The following PCDHA2 variants were observed in gnomAD, a reference collection of about 807,000 sequenced individuals.
PCDHA2 encodes the protein protocadherin alpha 2, also known as protocadherin alpha-2.
In PCDHA2, 58 loss-of-function variants were observed where a neutral mutation model predicts 66.0. That is an observed-to-expected ratio of 0.88 (90% CI 0.71 to 1.09). The LOEUF is 1.09. Among genes scored for constraint, PCDHA2 ranks in the 50% least tolerant of loss-of-function variants. PCDHA2 has a pLI of 0.00. For missense variants in PCDHA2, 1,267 were observed against 1,242.3 expected (o/e 1.02, Z -0.30); for synonymous variants, 634 against 554.0 (o/e 1.14, Z -2.03).
intron 1 of PCDHA2, among the ~76,000 whole-genome samples, chr5:140,918,680 C>T (rs1291001659): frequency 6.6e-6 from 1 of 152,084 alleles, no homozygotes; most frequent in Non-Finnish European, 1.5e-5. Flanking sequence ...GAGGTGAGAC[C>T]TTTCAAACAT....
intron 1 of PCDHA2, chr5:140,807,483 G>C (rs371525794): frequency 1.2e-6 from 2 of 1,613,322 alleles, no homozygotes; most frequent in Non-Finnish European, 1.7e-6. Context: ...TGCCGGCGGA[G>C]CGCGGAGTGC....
chr5:140,853,709 T>C lies in PCDHA2; in HGVS notation c.2388+56357T>C, dbSNP rs1554146825. 2.0e-6 allele frequency: 2 copies of C among 988,258 alleles called. 1 individual carries two copies. The highest frequency in any genetic ancestry group is 2.4e-6 in the Non-Finnish European group (2 of 820,296). The allele number at this position is 988,258 out of a possible 1,614,324, so 61.2% of individuals were successfully genotyped here. A position where few individuals can be genotyped will look rare whatever the true frequency, so the allele number is the denominator to read the frequency against. On this transcript the variant is annotated intron_variant, in intron 1 of 3. Transcript: ENST00000526136. ...CCTTAGACCTGCTAACGCATTAGCA[T>C]TAGCAGCACCTAAGTCCTCATTGAA...
At chr5:140,924,944 T>TA (rs11334471) in intron 1 of PCDHA2, among the ~76,000 whole-genome samples, 37 of 142,946 alleles carry the variant, frequency 2.6e-4, no homozygotes, top group Non-Finnish European at 4.2e-4. Context: ...AATAAAAAGT[T>TA]AAAAAAAAAA....
At chr5:140,851,193 G>GT in intron 1 of PCDHA2, 4 of 1,214,324 alleles carry the variant, frequency 3.3e-6, no homozygotes, top group Non-Finnish European at 4.2e-6. Context: ...CAATTTAGTT[G>GT]TTAGTCATTC....
chr5:140,803,479 G>A (rs782674659), intron 1 of PCDHA2: 1 of 1,614,230 alleles, frequency 6.2e-7, no homozygotes, highest in Non-Finnish European at 8.5e-7. Flanking sequence ...GTGTGCTCTG[G>A]AGAGGGGTTG....
At chr5:140,877,097 T>G in intron 1 of PCDHA2, 1 of 1,613,308 alleles carries the variant, frequency 6.2e-7, no homozygotes. Context: ...GACGCCGGCG[T>G]GCCGCCTCTG....
At chr5:140,911,987 G>A (rs1554195079) in intron 1 of PCDHA2, among the ~76,000 whole-genome samples, 1 of 152,086 alleles carries the variant, frequency 6.6e-6, no homozygotes, top group Admixed American at 6.6e-5. Context: ...TGATCACAAG[G>A]TCCCACAATA....
chr5:140,856,505 C>T (rs2150359235), intron 1 of PCDHA2: 1 of 1,598,456 alleles, frequency 6.3e-7, no homozygotes, highest in East Asian at 2.2e-5. Context: ...TCGATTTCCA[C>T]TAGAAGGCGC....
intron 3 of PCDHA2, among the ~76,000 whole-genome samples, chr5:141,000,385 C>CAA (rs1399640915): frequency 2.3e-4 from 15 of 64,992 alleles, no homozygotes; most frequent in African/African-American, 9.7e-4. Context: ...CTCTCTCTCT[C>CAA]TCTCTCTCTC....
At chr5:140,861,658 G>C (rs913348410) in intron 1 of PCDHA2, 1 of 269,114 alleles carries the variant, frequency 3.7e-6, no homozygotes, top group Non-Finnish European at 7.4e-6. Flanking sequence ...TTTCTGAAAC[G>C]AGAGCTCTTG....
At chr5:140,976,491 C>T (rs1478947639) in intron 1 of PCDHA2, among the ~76,000 whole-genome samples, 2 of 152,172 alleles carry the variant, frequency 1.3e-5, no homozygotes, top group East Asian at 1.9e-4. Context: ...GCAGAGGTTG[C>T]AGGGAGCCAA....
In PCDHA2 at chr5:140,848,329, A is replaced by T. The variant is rs2150408889; in HGVS notation, c.2388+50977A>T. 1.7e-5 allele frequency: 14 copies of T among 818,896 alleles called. 1 individual carries two copies. The highest frequency in any genetic ancestry group is 2.5e-5 in the Non-Finnish European group (13 of 512,110). The allele number at this position is 818,896 out of a possible 1,614,324, so 50.7% of individuals were successfully genotyped here. A position where few individuals can be genotyped will look rare whatever the true frequency, so the allele number is the denominator to read the frequency against. On this transcript the variant is annotated intron_variant, in intron 1 of 3. Transcript: ENST00000526136. The stretch of plus-strand genomic sequence containing the variant: ...ACTCTTTGCCGCGATGTTCTCTCTG[A>T]ATCCAGACAAATACAGCCCTTTTCC...
intron 1 of PCDHA2, chr5:140,801,788 A>G: frequency 6.2e-7 from 1 of 1,614,048 alleles, no homozygotes; most frequent in East Asian, 2.2e-5. Context: ...TCGTGTTGAA[A>G]AAAAATTTAA....
At chr5:140,950,195 C>A (rs186601471) in intron 1 of PCDHA2, among the ~76,000 whole-genome samples, 1 of 152,028 alleles carries the variant, frequency 6.6e-6, no homozygotes, top group Non-Finnish European at 1.5e-5. Context: ...AAAAAATAGT[C>A]ATTTCTGTTT....
intron 1 of PCDHA2, among the ~76,000 whole-genome samples, chr5:140,941,211 C>CT (rs59928198): frequency 0.24 from 30,589 of 127,372 alleles, 3,669 homozygotes; most frequent in South Asian, 0.38. Context: ...TCCTTTCTTT[C>CT]TTCCTTTCTT....
chr5:140,919,649 T>G (rs1252944920), intron 1 of PCDHA2, among the ~76,000 whole-genome samples: 1 of 152,202 alleles, frequency 6.6e-6, no homozygotes, highest in Non-Finnish European at 1.5e-5. Flanking sequence ...TTCTCTAGAG[T>G]TTACCATATA....
Position 140,885,836 on chromosome 5 carries a change from C to T in PCDHA2, c.2388+88484C>T, listed in dbSNP as rs186775413. On this transcript the variant is annotated intron_variant, in intron 1 of 3. Transcript: ENST00000526136. ...TGTATTTGATCTTCTTTGATTTATC[C>T]ATTAAGTTATTTGCCTACTTTTCTA... Among the ~76,000 whole-genome samples the T allele has an allele frequency of 3.1e-3, 470 of 152,032 alleles. 3 individuals are homozygous for T. Among genetic ancestry groups the T allele is most frequent in the Middle Eastern group, 0.014 (4 of 294 alleles).
intron 1 of PCDHA2, chr5:140,927,650 TC>T (rs2084465821): frequency 6.2e-7 from 1 of 1,614,080 alleles, no homozygotes; most frequent in Admixed American, 1.7e-5. Flanking sequence ...ACTGTGTTAT[TC>T]CGAGTTCAAG....
chr5:140,875,765 G>T (rs1554167926), intron 1 of PCDHA2: 2 of 1,614,252 alleles, frequency 1.2e-6, no homozygotes, highest in Middle Eastern at 1.6e-4. Context: ...CTGTGCGGGC[G>T]GAGCGCGGAG....
Sources: gnomAD v4.1 joint callset for allele counts (sites outside exome capture counted in the v4.1 genomes callset) on GRCh38, gnomAD v4.1.1 for gene constraint, MANE v1.5 for transcripts, NCBI Gene and HGNC (gene_info 2026-07-23, HGNC 2026-07-21) for gene names.